HOMER1: variants seen among roughly 807,000 people sequenced by gnomAD.
HOMER1 encodes homer scaffold protein 1, also known as homer protein homolog 1.
A neutral mutation model predicts 48.9 loss-of-function variants in HOMER1; 3 were observed. That is an observed-to-expected ratio of 0.06 (90% CI 0.03 to 0.16). The LOEUF (loss-of-function observed/expected upper bound fraction) is 0.16, where lower values mean the gene tolerates loss of function less well. Ranked by LOEUF, HOMER1 falls within the 10% of genes least tolerant of loss-of-function variation. The probability of loss-of-function intolerance (pLI) is 1.00; values close to 1 mark genes in which losing one functional copy is unlikely to be tolerated. For synonymous variants in HOMER1, 134 were observed against 146.4 expected, an observed-to-expected ratio of 0.92 and a Z score of 0.61; for missense variants, 247 against 411.4, an observed-to-expected ratio of 0.60 and a Z score of 3.46.
chr5:79,439,331 T>C (rs1427885512), intron 4 of HOMER1, among the ~76,000 whole-genome samples, 182 bp from the exon 5 acceptor site: 1 of 152,178 alleles, frequency 6.6e-6, no homozygotes, highest in Non-Finnish European at 1.5e-5. Context: ...CATGGCAAGC[T>C]AGGAGAAAAA....
At chr5:79,452,632 A>T (rs986388482) in intron 2 of HOMER1, among the ~76,000 whole-genome samples, 1 of 152,152 alleles carries the variant, frequency 6.6e-6, no homozygotes, top group Admixed American at 6.5e-5. Context: ...AATATTTAAG[A>T]GCTATGCAGG....
rs1748679887 is a variant in HOMER1 at position 79,373,267 on chromosome 5, A to G, written c.*2742T>C. 1 of 151,996 alleles carries G rather than the reference A, an allele frequency of 6.6e-6. No individual in the cohort carries two copies. The highest frequency in any genetic ancestry group is 1.5e-5 in the Non-Finnish European group (1 of 67,932). 9.4% of individuals were successfully genotyped at this position (151,996 alleles called of 1,614,324 possible). A position where few individuals can be genotyped will look rare whatever the true frequency, so the allele number is the denominator to read the frequency against. On this transcript the variant is annotated 3_prime_UTR_variant, in exon 9 of 9. Transcript: ENST00000334082. Reference sequence around the variant, plus strand: ...ATAAAGTACATTCTCCAGAGAACAAATGTATTTCAAAATAAAAACTGTATT... The same window carrying G: ...ATAAAGTACATTCTCCAGAGAACAAGTGTATTTCAAAATAAAAACTGTATT...
chr5:79,440,671 A>G (rs1012288101), intron 4 of HOMER1, among the ~76,000 whole-genome samples: 10 of 152,232 alleles, frequency 6.6e-5, no homozygotes, highest in African/African-American at 2.4e-4. Context: ...CTTCTAGGTC[A>G]GTTATGGACC....
intron 1 of HOMER1, among the ~76,000 whole-genome samples, chr5:79,487,948 A>T (rs1368136772): frequency 6.6e-6 from 1 of 152,234 alleles, no homozygotes; most frequent in Non-Finnish European, 1.5e-5. Flanking sequence ...TATGAGCCAC[A>T]TGTTAATAAT....
At chr5:79,393,923 T>A (rs113793032) in intron 8 of HOMER1, among the ~76,000 whole-genome samples, 1 of 152,164 alleles carries the variant, frequency 6.6e-6, no homozygotes, top group Non-Finnish European at 1.5e-5. Flanking sequence ...GAAAATATTA[T>A]CTAAACCAAC....
At chr5:79,507,084 G>C (rs528284338) in intron 1 of HOMER1, among the ~76,000 whole-genome samples, 2 of 151,176 alleles carry the variant, frequency 1.3e-5, no homozygotes, top group Admixed American at 1.3e-4. Context: ...GTGGTGGCGC[G>C]CACCAGTAGT....
rs1748731082 is a variant in HOMER1 at position 79,375,016 on chromosome 5, A to G, written c.*993T>C. 1 of 152,096 alleles carries G rather than the reference A, an allele frequency of 6.6e-6. No individual in the cohort carries two copies. Among genetic ancestry groups the G allele is most frequent in the Admixed American group, 6.5e-5 (1 of 15,276 alleles). 9.4% of individuals were successfully genotyped at this position (152,096 alleles called of 1,614,324 possible). ...TAAATGGACCCCCTTTAAAATAGCT[A>G]TACACCTTAAAATTATCTATAATAA... On this transcript the variant is annotated 3_prime_UTR_variant, in exon 9 of 9. Coordinates refer to ENST00000334082, the MANE Select transcript of HOMER1 (RefSeq NM_004272.5).
chr5:79,445,304 G>A (rs2112284992), intron 4 of HOMER1, among the ~76,000 whole-genome samples: 1 of 152,100 alleles, frequency 6.6e-6, no homozygotes, highest in East Asian at 1.9e-4. Flanking sequence ...TACTACAGAG[G>A]AGAACAGCCA....
rs559683566 is a variant in HOMER1, at chr5:79,419,812, A to G, written c.528-17757T>C. Among the ~76,000 whole-genome samples, 28 of 152,318 alleles carry G rather than the reference A, an allele frequency of 1.8e-4. 1 individual carries two copies. The South Asian group carries it at 5.8e-3, about 32-fold the overall frequency. ...ATTTACTAATACTACTTAACATGATATTCACAGAGGATCTTAACAAACAGT... is the reference window on the plus strand; with the variant it reads ...ATTTACTAATACTACTTAACATGATGTTCACAGAGGATCTTAACAAACAGT... On this transcript the variant is annotated intron_variant, in intron 5 of 8. Transcript: ENST00000334082.
intron 1 of HOMER1, among the ~76,000 whole-genome samples, chr5:79,498,077 G>A (rs892034117): frequency 6.6e-6 from 1 of 152,184 alleles, no homozygotes; most frequent in African/African-American, 2.4e-5. Context: ...AGACTCTGAT[G>A]CTCTGGTCTT....
intron 5 of HOMER1, among the ~76,000 whole-genome samples, chr5:79,432,299 T>C (rs1390342420): frequency 2.6e-5 from 4 of 152,214 alleles, no homozygotes; most frequent in African/African-American, 9.6e-5. Context: ...GAAAAAGGAA[T>C]TTTTTAAAGC....
At chr5:79,501,041 G>T (rs1752572424) in intron 1 of HOMER1, among the ~76,000 whole-genome samples, 1 of 151,334 alleles carries the variant, frequency 6.6e-6, no homozygotes, top group Non-Finnish European at 1.5e-5. Flanking sequence ...CAGGATCTCA[G>T]CTTACTGCAT....
intron 1 of HOMER1, among the ~76,000 whole-genome samples, chr5:79,491,216 G>A (rs1023172723): frequency 2.0e-5 from 3 of 150,432 alleles, no homozygotes; most frequent in Middle Eastern, 3.4e-3. Flanking sequence ...TGGATCACTT[G>A]AGTTCAGGAA....
chr5:79,502,916 G>A lies in HOMER1; in HGVS notation c.5+9854C>T, dbSNP rs951683347. Among the ~76,000 whole-genome samples, 122 of 152,150 alleles carry A rather than the reference G, an allele frequency of 8.0e-4. 1 individual carries two copies. The highest frequency in any genetic ancestry group is 2.8e-3 in the African/African-American group (118 of 41,500). ...CGCCATTCTCCTGCCTCAGCCTCCC[G>A]AGTAGCTGTGACTACAGGCGCCCGC... On this transcript the variant is annotated intron_variant, in intron 1 of 8. Transcript: ENST00000334082.
chr5:79,451,271 T>C (rs1751018820), intron 2 of HOMER1, 150 bp from the exon 3 acceptor site: 2 of 717,328 alleles, frequency 2.8e-6, no homozygotes, highest in Non-Finnish European at 2.2e-6. Flanking sequence ...TTTCTGGCAT[T>C]ATAAGTGATA....
intron 5 of HOMER1, 139 bp downstream of exon 5, chr5:79,438,871 A>G: frequency 1.5e-6 from 1 of 647,624 alleles, no homozygotes; most frequent in Non-Finnish European, 2.6e-6. Flanking sequence ...GGTTAACAGA[A>G]GCAGTAAAAA....
chr5:79,419,904 A>G (rs939781320), intron 5 of HOMER1, among the ~76,000 whole-genome samples: 50 of 152,322 alleles, frequency 3.3e-4, no homozygotes, highest in South Asian at 6.2e-4. Context: ...ACTGAGAACT[A>G]TATGACAAAT....
intron 1 of HOMER1, among the ~76,000 whole-genome samples, chr5:79,485,556 TAAC>T (rs935932683): frequency 2.0e-5 from 3 of 152,206 alleles, no homozygotes; most frequent in African/African-American, 7.2e-5. Flanking sequence ...GATTTGTAAG[TAAC>T]AACACATTTT....
At chr5:79,419,899 G>A (rs1750050040) in intron 5 of HOMER1, among the ~76,000 whole-genome samples, 1 of 152,156 alleles carries the variant, frequency 6.6e-6, no homozygotes, top group Non-Finnish European at 1.5e-5. Context: ...TAGCAACTGA[G>A]AACTATATGA....
Sources: gnomAD v4.1 joint callset for allele counts (sites outside exome capture counted in the v4.1 genomes callset) on GRCh38, gnomAD v4.1.1 for gene constraint, MANE v1.5 for transcripts, NCBI Gene and HGNC (gene_info 2026-07-23, HGNC 2026-07-21) for gene names.